The following LGR6 variants were observed in gnomAD, a reference collection of about 807,000 sequenced individuals.
LGR6 encodes leucine-rich repeat-containing G protein-coupled receptor 6.
LGR6 carries 45 observed loss-of-function variants against 69.4 expected under a neutral mutation model. That is an observed-to-expected ratio of 0.65 (90% CI 0.51 to 0.83). The LOEUF (loss-of-function observed/expected upper bound fraction) is 0.83. LGR6 is among the 40% of genes least tolerant of loss of function. The pLI, the probability that LGR6 is intolerant of heterozygous loss-of-function variation, is 0.00. For synonymous variants in LGR6, 538 were observed against 555.0 expected (o/e 0.97, Z 0.43); for missense variants, 1,108 against 1,246.7 (o/e 0.89, Z 1.68).
intron 11 of LGR6, among the ~76,000 whole-genome samples, chr1:202,305,091 C>T (rs577605927): frequency 6.6e-6 from 1 of 152,252 alleles, no homozygotes; most frequent in South Asian, 2.1e-4. Context: ...GGGACCATAG[C>T]CCCTCAGCTC....
chr1:202,219,372 G>A (rs975374228), intron 1 of LGR6, among the ~76,000 whole-genome samples: 6 of 152,252 alleles, frequency 3.9e-5, no homozygotes, highest in Non-Finnish European at 7.3e-5. Flanking sequence ...GCCCTAGTCA[G>A]AGACTGAGAG....
At chr1:202,205,655 C>T (rs371390821) in intron 1 of LGR6, among the ~76,000 whole-genome samples, 25 of 145,654 alleles carry the variant, frequency 1.7e-4, no homozygotes, top group Middle Eastern at 3.8e-3. Context: ...CACACACACA[C>T]GCACACCTCC....
intron 12 of LGR6, 162 bp from the exon 13 acceptor site, chr1:202,306,706 C>T (rs1653227217): frequency 2.8e-6 from 2 of 711,010 alleles, no homozygotes; most frequent in East Asian, 5.4e-5. Context: ...ACCGGATCCC[C>T]TTGTGCTCCC....
At chr1:202,255,442 G>A (rs747900902) in intron 4 of LGR6, among the ~76,000 whole-genome samples, 2 of 152,128 alleles carry the variant, frequency 1.3e-5, no homozygotes, top group Admixed American at 1.3e-4. Flanking sequence ...GTGAAATGAA[G>A]CAAATAAATC....
chr1:202,274,764 G>C (rs182173798), intron 4 of LGR6, among the ~76,000 whole-genome samples: 1 of 152,284 alleles, frequency 6.6e-6, no homozygotes, highest in East Asian at 1.9e-4. Flanking sequence ...AGGGTGTGAC[G>C]GCCACCACTG....
At chr1:202,251,649 C>T (rs1026588136) in intron 4 of LGR6, among the ~76,000 whole-genome samples, 3 of 152,180 alleles carry the variant, frequency 2.0e-5, no homozygotes, top group African/African-American at 7.2e-5. Context: ...CTGCTGGGCT[C>T]CTCGGGGAGC....
At chr1:202,311,314 A>T (rs1653701488) in intron 16 of LGR6, among the ~76,000 whole-genome samples, 1 of 152,260 alleles carries the variant, frequency 6.6e-6, no homozygotes, top group Non-Finnish European at 1.5e-5. Flanking sequence ...GTTGGATTGC[A>T]TTGGACCAGT....
chr1:202,256,174 A>G (rs764617966), intron 4 of LGR6, among the ~76,000 whole-genome samples: 8 of 152,236 alleles, frequency 5.3e-5, no homozygotes, highest in Non-Finnish European at 1.0e-4. Context: ...TTTACTTAGC[A>G]TAATGTTTTC....
rs146190126 is a variant in LGR6 at position 202,307,345 on chromosome 1, C to T, written c.1224C>T (p.Asn408=). The T allele has an allele frequency of 2.4e-4, 383 of 1,614,148 alleles. 3 individuals carry two copies. The East Asian group carries it at 6.9e-3, about 29-fold the overall frequency. Residue 408 remains asparagine (N), a synonymous_variant, in exon 14 of 18, where the codon AAC becomes AAT. Coordinates refer to ENST00000367278, the MANE Select transcript of LGR6 (RefSeq NM_001017403.2). ...CTGCCTGCAGGGATCTTAGCTGGAACGCCATCCGGTCCATCCACCCCGAGG... is the reference window on the plus strand; with the variant it reads ...CTGCCTGCAGGGATCTTAGCTGGAATGCCATCCGGTCCATCCACCCCGAGG... ...SSLQALDLSW[N]AIRSIHPEAF...
At chr1:202,226,548 G>T (rs1004454431) in intron 2 of LGR6, among the ~76,000 whole-genome samples, 2 of 152,080 alleles carry the variant, frequency 1.3e-5, no homozygotes, top group Admixed American at 6.5e-5. Flanking sequence ...ACCTGCCCCT[G>T]TTGGAGTTTT....
At chr1:202,237,968 T>C (rs1324588596) in intron 4 of LGR6, among the ~76,000 whole-genome samples, 1 of 147,656 alleles carries the variant, frequency 6.8e-6, no homozygotes, top group Non-Finnish European at 1.5e-5. Context: ...ATATAGTCAA[T>C]GTGAGGGGGA....
rs183826609 is a variant in LGR6 at position 202,277,415 on chromosome 1, T to C, written c.644+894T>C. 5.3e-4 allele frequency among the ~76,000 whole-genome samples: 80 copies of C among 151,230 alleles called. No individual in the cohort carries two copies. In the East Asian group the frequency reaches 9.2e-3, roughly 17 times the overall value. The stretch of plus-strand genomic sequence containing the variant: ...AATATCCTTGTGGACTATATTCTTC[T>C]GTCAGGGTGCCATACCCTCCCTTCT... On this transcript the variant is annotated intron_variant, in intron 5 of 17. Transcript: ENST00000367278.
At chr1:202,313,416 C>T (rs1044127537) in intron 16 of LGR6, among the ~76,000 whole-genome samples, 2 of 152,036 alleles carry the variant, frequency 1.3e-5, no homozygotes, top group Non-Finnish European at 2.9e-5. Flanking sequence ...ACCCCCTGAC[C>T]CCCCAAAGTA....
At position 202,280,706 on chromosome 1, in the gene LGR6, C is replaced by T. The variant is rs1665934631; in HGVS notation, c.645-75C>T. 2.3e-6 allele frequency: 3 copies of T among 1,290,870 alleles called. No homozygotes were observed. The South Asian group carries it at 3.5e-5, about 15-fold the overall frequency. 80.0% of individuals were successfully genotyped at this position (1,290,870 alleles called of 1,614,324 possible). ...TGCTTCTGCCTACACTTTCCCCATG[C>T]CACCATGTGCTCTTCCATCCCCTGG... On this transcript the variant is annotated intron_variant, in intron 5 of 17. Transcript: ENST00000367278.
chr1:202,316,233 A>G (rs1208722762), intron 17 of LGR6, among the ~76,000 whole-genome samples: 2 of 152,222 alleles, frequency 1.3e-5, no homozygotes, highest in Non-Finnish European at 2.9e-5. Context: ...GGGAGGTTCA[A>G]GATTGGACAG....
chr1:202,310,311 T>G lies in LGR6; in HGVS notation c.1521T>G (p.Ser507=). The change falls in exon 16 of 18, where the codon TCT becomes TCG. Residue 507 remains serine (S), a synonymous_variant. Coordinates refer to ENST00000367278, the MANE Select transcript of LGR6 (RefSeq NM_001017403.2). Reference sequence around the variant, plus strand: ...ACCTTCACCTTGATGATGAGGAGTCTTCAAAAAGGCCCCTGGGCCTCCTTG... The same window carrying G: ...ACCTTCACCTTGATGATGAGGAGTCGTCAAAAAGGCCCCTGGGCCTCCTTG... ...AEDLHLDDEE[S]SKRPLGLLAR... 6.2e-7 allele frequency: 1 copy of G among 1,613,888 alleles called. No individual in the cohort carries two copies. Among genetic ancestry groups the G allele is most frequent in the Non-Finnish European group, 8.5e-7 (1 of 1,179,956 alleles).
intron 4 of LGR6, among the ~76,000 whole-genome samples, chr1:202,267,177 G>A (rs1159640983): frequency 6.6e-6 from 1 of 152,192 alleles, no homozygotes; most frequent in Non-Finnish European, 1.5e-5. Context: ...AAGCTCTATT[G>A]AACAGTGTTG....
At chr1:202,248,234 C>A (rs1218230277) in intron 4 of LGR6, among the ~76,000 whole-genome samples, 1 of 152,204 alleles carries the variant, frequency 6.6e-6, no homozygotes, top group African/African-American at 2.4e-5. Context: ...CTAAGTCCAA[C>A]TGACTCTTTT....
chr1:202,307,325 T>C lies in LGR6; in HGVS notation c.1209-5T>C. The C allele has an allele frequency of 1.2e-6, 2 of 1,614,042 alleles. No individual in the cohort carries two copies. Among genetic ancestry groups the C allele is most frequent in the Non-Finnish European group, 1.7e-6 (2 of 1,179,904 alleles). ...CCCCTCCTGTCACACCCTCTCTGCCTGCAGGGATCTTAGCTGGAACGCCAT... is the reference window on the plus strand; with the variant it reads ...CCCCTCCTGTCACACCCTCTCTGCCCGCAGGGATCTTAGCTGGAACGCCAT... On this transcript the variant is annotated splice_region_variant and splice_polypyrimidine_tract_variant and intron_variant, in intron 13 of 17. Coordinates refer to ENST00000367278, the MANE Select transcript of LGR6 (RefSeq NM_001017403.2).
Sources: gnomAD v4.1 joint callset for allele counts (sites outside exome capture counted in the v4.1 genomes callset) on GRCh38, gnomAD v4.1.1 for gene constraint, MANE v1.5 for transcripts, NCBI Gene and HGNC (gene_info 2026-07-23, HGNC 2026-07-21) for gene names.